Variants in ITGB2 observed in about 807,000 individuals in gnomAD.
ITGB2 encodes integrin subunit beta 2.
Under a neutral mutation model 86.8 loss-of-function variants are expected in ITGB2, and 56 were observed. That is an observed-to-expected ratio of 0.65 (90% CI 0.52 to 0.81). The LOEUF is 0.81. Ranked by LOEUF, ITGB2 falls within the 30% of genes least tolerant of loss-of-function variation. The pLI is 0.00. For missense variants in ITGB2, 948 were observed against 1,061.2 expected, an observed-to-expected ratio of 0.89 and a Z score of 1.48; for synonymous variants, 457 against 450.4, an observed-to-expected ratio of 1.01 and a Z score of -0.19.
rs769752144 is a variant in ITGB2, at chr21:44,908,041, G to GA, written c.148-947dup. On this transcript the variant is annotated intron_variant, in intron 3 of 15. Transcript: ENST00000652462. The stretch of plus-strand genomic sequence containing the variant: ...GCTGAAAACCTCCAGAAAGGGGAGG[G>GA]AAAAAACCCAGCCTGACCAAGGTAG... The GA allele has an allele frequency of 1.2e-4, 86 of 717,392 alleles. 1 individual carries two copies. The South Asian group carries it at 1.3e-3, about 10-fold the overall frequency. The allele number at this position is 717,392 out of a possible 1,614,324, so 44.4% of individuals were successfully genotyped here.
At chr21:44,918,931 G>A (rs2084250396) in intron 1 of ITGB2, among the ~76,000 whole-genome samples, 1 of 39,426 alleles carries the variant, frequency 2.5e-5, no homozygotes. Context: ...GCCCTTGGGT[G>A]GCTAAGCGTC....
chr21:44,896,365 C>A (rs945103629), intron 8 of ITGB2, among the ~76,000 whole-genome samples: 2 of 152,340 alleles, frequency 1.3e-5, no homozygotes, highest in South Asian at 4.1e-4. Flanking sequence ...GTTAAACAGC[C>A]CGGTGACATC....
At chr21:44,895,347 T>G (rs1207143187) in intron 8 of ITGB2, among the ~76,000 whole-genome samples, 1 of 151,366 alleles carries the variant, frequency 6.6e-6, no homozygotes, top group Admixed American at 6.6e-5. Flanking sequence ...CTGGGCAACA[T>G]AAGAAGACCC....
At chr21:44,901,429 G>A in intron 6 of ITGB2, 63 bp downstream of exon 6, 2 of 1,584,922 alleles carry the variant, frequency 1.3e-6, no homozygotes, top group East Asian at 4.6e-5. Context: ...CCCCCACACA[G>A]CGCCTGACAG....
In ITGB2 at chr21:44,891,797, C is replaced by T. The variant is rs764561793; in HGVS notation, c.1412+12G>A. On this transcript the variant is annotated intron_variant, in intron 11 of 15. Transcript: ENST00000652462. ...TCGGGGATGGTTCAACAGGGACCTGCGCCCGCCTCACCTGCAGATGCCGCA... is the reference window on the plus strand; with the variant it reads ...TCGGGGATGGTTCAACAGGGACCTGTGCCCGCCTCACCTGCAGATGCCGCA... 38 of 1,601,154 alleles carry T rather than the reference C, an allele frequency of 2.4e-5. No homozygotes were observed. The highest frequency in any genetic ancestry group is 1.6e-4 in the South Asian group (15 of 91,070).
Position 44,889,958 on chromosome 21 carries a change from G to T in ITGB2, c.1657+20C>A. Reference sequence around the variant, plus strand: ...TGTGCCGCAGGACGGCCGTTGTCCAGCAGGGACCCACGGGCTCACCCGGGC... The same window carrying T: ...TGTGCCGCAGGACGGCCGTTGTCCATCAGGGACCCACGGGCTCACCCGGGC... On this transcript the variant is annotated intron_variant, in intron 12 of 15. Transcript: ENST00000652462. 1 of 1,612,598 alleles carries T rather than the reference G, an allele frequency of 6.2e-7. No individual in the cohort carries two copies. The highest frequency in any genetic ancestry group is 8.5e-7 in the Non-Finnish European group (1 of 1,179,984).
At chr21:44,892,242 C>T (rs757689643) in intron 10 of ITGB2, among the ~76,000 whole-genome samples, 10 of 152,234 alleles carry the variant, frequency 6.6e-5, no homozygotes, top group Non-Finnish European at 1.2e-4. Context: ...TCAGCAGAGA[C>T]ATGTGACACG....
At position 44,901,639 on chromosome 21, in the gene ITGB2, G is replaced by A; in HGVS notation, c.594C>T (p.Cys198=). The change falls in exon 6 of 16, where the codon TGC becomes TGT. Residue 198 remains cysteine, a synonymous_variant. Coordinates refer to ENST00000652462, the MANE Select transcript of ITGB2 (RefSeq NM_000211.5). Reference sequence around the variant, plus strand: ...CGTGCCTGAAGGCAAACGGGGGCTGGCACTCTTTCTCCTTGTTGGGGCATG... The same window carrying A: ...CGTGCCTGAAGGCAAACGGGGGCTGACACTCTTTCTCCTTGTTGGGGCATG... ...RNPCPNKEKE[C]QPPFAFRHVL... 2 of 1,614,238 alleles carry A rather than the reference G, an allele frequency of 1.2e-6. No individual in the cohort carries two copies. Among genetic ancestry groups the A allele is most frequent in the Non-Finnish European group, 1.7e-6 (2 of 1,180,042 alleles).
chr21:44,917,668 C>G (rs1015842379), intron 1 of ITGB2, among the ~76,000 whole-genome samples: 1 of 152,164 alleles, frequency 6.6e-6, no homozygotes, highest in Non-Finnish European at 1.5e-5. Flanking sequence ...GGGCTGAGAG[C>G]TGCACTCCAG....
In ITGB2 at chr21:44,899,000, G is replaced by A. The variant is rs568521522; in HGVS notation, c.993+67C>T. On this transcript the variant is annotated intron_variant, in intron 8 of 15. Coordinates refer to ENST00000652462, the MANE Select transcript of ITGB2 (RefSeq NM_000211.5). ...AGGTGGCGCTCAGACCTGCAGTGGC[G>A]CTGGGTCTGGCCTGTGGCTGAAACA... 23 of 1,267,982 alleles carry A rather than the reference G, an allele frequency of 1.8e-5. No individual in the cohort carries two copies. In the East Asian group the frequency reaches 2.9e-4, roughly 16 times the overall value. The allele number at this position is 1,267,982 out of a possible 1,614,324, so 78.5% of individuals were successfully genotyped here.
chr21:44,899,809 C>G (rs1230982744), intron 7 of ITGB2, among the ~76,000 whole-genome samples: 1 of 152,214 alleles, frequency 6.6e-6, no homozygotes, highest in African/African-American at 2.4e-5. Flanking sequence ...TCGCCTCTGT[C>G]CCTCCCTGCA....
intron 9 of ITGB2, chr21:44,893,986 G>C: frequency 3.3e-6 from 1 of 301,002 alleles, no homozygotes; most frequent in South Asian, 3.0e-5. Flanking sequence ...ACAGAGATGG[G>C]GCAGAGACAG....
At chr21:44,890,403 C>T (rs866134769) in intron 11 of ITGB2, among the ~76,000 whole-genome samples, 181 bp from the exon 12 acceptor site, 3 of 152,230 alleles carry the variant, frequency 2.0e-5, no homozygotes, top group Non-Finnish European at 2.9e-5. Context: ...GCAGGGGCCC[C>T]GCGTTCCCTC....
rs558181265 is a variant in ITGB2 at position 44,906,151 on chromosome 21, C to T, written c.328+764G>A. Among the ~76,000 whole-genome samples the T allele has an allele frequency of 4.8e-3, 665 of 138,234 alleles. 4 individuals carry two copies. The highest frequency in any genetic ancestry group is 0.018 in the African/African-American group (647 of 35,744). The allele number at this position is 138,234 out of a possible 152,430, so 90.7% of individuals were successfully genotyped here. A position where few individuals can be genotyped will look rare whatever the true frequency, so the allele number is the denominator to read the frequency against. On this transcript the variant is annotated intron_variant, in intron 4 of 15. Coordinates refer to ENST00000652462, the MANE Select transcript of ITGB2 (RefSeq NM_000211.5). ...TTCTTCCCTCCCTTCCCCTTCCCTC[C>T]CTTCCCTCCCTTCCCTCCCTCCCTT...
Position 44,910,344 on chromosome 21 carries a change from C to T in ITGB2, c.87G>A (p.Lys29=), listed in dbSNP as rs772742293. The T allele has an allele frequency of 1.5e-5, 25 of 1,614,170 alleles. No homozygotes were observed. Among genetic ancestry groups the T allele is most frequent in the Non-Finnish European group, 2.1e-5 (25 of 1,180,028 alleles). The stretch of plus-strand genomic sequence containing the variant: ...CGATGCATTCCCGGCAGCTGCTGAC[C>T]TTGAACTTCGTGCACTCCTGAGAGA... The part of the protein sequence containing the change: ...CVLSQECTKF[K]VSSCRECIES... The change falls in exon 3 of 16, where the codon AAG becomes AAA. Residue 29 remains lysine (K), a synonymous_variant. Coordinates refer to ENST00000652462, the MANE Select transcript of ITGB2 (RefSeq NM_000211.5).
rs367667976 is a variant in ITGB2, at chr21:44,910,515, C to G, written c.59-143G>C. 1,669 of 1,527,012 alleles carry G rather than the reference C, an allele frequency of 1.1e-3. 4 individuals carry two copies. Among genetic ancestry groups the G allele is most frequent in the Middle Eastern group, 3.7e-3 (22 of 5,926 alleles). 94.6% of individuals were successfully genotyped at this position (1,527,012 alleles called of 1,614,324 possible). A position where few individuals can be genotyped will look rare whatever the true frequency, so the allele number is the denominator to read the frequency against. ...GGAGACCCCGCATTCGCCACCACCC[C>G]CAGGTGCAAAGAGGGGCCCTCGGGA... On this transcript the variant is annotated intron_variant, in intron 2 of 15. Coordinates refer to ENST00000652462, the MANE Select transcript of ITGB2 (RefSeq NM_000211.5).
Position 44,889,891 on chromosome 21 carries a change from C to T in ITGB2, c.1657+87G>A, listed in dbSNP as rs535663365. On this transcript the variant is annotated intron_variant, in intron 12 of 15. Transcript: ENST00000652462. ...TCCTCAGGATCCCCCCTTTCTGTTC[C>T]ACTCGTTGAATGGTCCAGAACGCAC... The T allele has an allele frequency of 2.6e-6, 4 of 1,559,246 alleles. No individual in the cohort carries two copies. The South Asian group carries it at 3.4e-5, about 13-fold the overall frequency.
rs771708972 is a variant in ITGB2, at chr21:44,899,112, GA to G, written c.947del (p.Ile316ThrfsTer7). 1.9e-6 allele frequency: 3 copies of G among 1,614,178 alleles called. No individual in the cohort carries two copies. The highest frequency in any genetic ancestry group is 2.5e-6 in the Non-Finnish European group (3 of 1,180,000). On this transcript the variant is annotated frameshift_variant, in exon 8 of 16. Coordinates refer to ENST00000652462, the MANE Select transcript of ITGB2 (RefSeq NM_000211.5). LOFTEE classifies it high-confidence loss of function. Reference sequence around the variant, plus strand: ...TACTGGTCACCGCGAAGATGGGCTGGATGTTGTTTTCAGCCAGCTTGTGCGC... The same window carrying G: ...TACTGGTCACCGCGAAGATGGGCTGGTGTTGTTTTCAGCCAGCTTGTGCGC... ...QLAHKLAENNIQPIFAVTSRM... is the reference protein window; with the variant it reads ...QLAHKLAENNXQPIFAVTSRM...
chr21:44,927,874 C>A (rs1245563061), intron 1 of ITGB2: 1 of 152,288 alleles, frequency 6.6e-6, no homozygotes, highest in Non-Finnish European at 1.5e-5. Context: ...ACAGGCTGAC[C>A]ATCAGGGCTG....
Sources: gnomAD v4.1 joint callset for allele counts (sites outside exome capture counted in the v4.1 genomes callset) on GRCh38, gnomAD v4.1.1 for gene constraint, MANE v1.5 for transcripts, NCBI Gene and HGNC (gene_info 2026-07-23, HGNC 2026-07-21) for gene names.